COG2: variants seen among roughly 807,000 people sequenced by gnomAD.
The protein encoded by COG2 is conserved oligomeric Golgi complex subunit 2.
COG2 carries 52 observed loss-of-function variants against 90.6 expected under a neutral mutation model. The observed-to-expected ratio is 0.57, with a 90% CI of 0.46 to 0.72. The LOEUF (loss-of-function observed/expected upper bound fraction) is 0.72. Ranked by LOEUF, COG2 falls within the 30% of genes least tolerant of loss-of-function variation. The pLI, the probability that COG2 is intolerant of heterozygous loss-of-function variation, is 0.00. For missense variants in COG2, 829 were observed against 891.2 expected (o/e 0.93, Z 0.89); for synonymous variants, 337 against 320.4 (o/e 1.05, Z -0.55).
chr1:230,691,267 C>T (rs1167441478), intron 16 of COG2, 117 bp from the exon 17 acceptor site: 9 of 806,378 alleles, frequency 1.1e-5, no homozygotes, highest in African/African-American at 1.8e-5. Flanking sequence ...GTTGAATTTT[C>T]GTTGGAAGTG....
In COG2 at chr1:230,669,442, A is replaced by T. The variant is rs1195523143; in HGVS notation, c.681A>T (p.Ile227=). The T allele has an allele frequency of 1.2e-6, 2 of 1,614,080 alleles. No homozygotes were observed. The highest frequency in any genetic ancestry group is 3.3e-5 in the Admixed American group (2 of 60,010). ...EGLQTSDVDI[I]RHCLRTYATI... ...TTCAGACGTCTGACGTCGATATAAT[A>T]CGGCACTGCTTGCGGACTTACGCCA... The change falls in exon 7 of 18, where the codon ATA becomes ATT. Residue 227 remains isoleucine (I), a synonymous_variant. Transcript: ENST00000366669.
chr1:230,656,640 TTC>T (rs1231890659), intron 1 of COG2, among the ~76,000 whole-genome samples: 2 of 152,166 alleles, frequency 1.3e-5, no homozygotes, highest in African/African-American at 4.8e-5. Context: ...CTTGTTAATT[TTC>T]TGTCTTGTTG....
intron 17 of COG2, chr1:230,691,856 G>T: frequency 3.2e-6 from 1 of 309,758 alleles, no homozygotes; most frequent in Non-Finnish European, 6.0e-6. Flanking sequence ...GAGACTTTTT[G>T]GTCCAGTGCC....
chr1:230,680,391 T>TGCAGCATCACCCTGGGACCCAA (rs1387387456), intron 10 of COG2: 4,876 of 152,668 alleles, frequency 0.032, 100 homozygotes, highest in Non-Finnish European at 0.047. Context: ...CTGGGACCCA[T>TGCAGCATCACCCTGGGACCCAA]GCAGCATCAC....
intron 1 of COG2, among the ~76,000 whole-genome samples, chr1:230,659,184 G>A (rs1467105823): frequency 4.6e-5 from 7 of 152,132 alleles, no homozygotes; most frequent in Admixed American, 4.6e-4. Context: ...GTTTTGAGAA[G>A]AACCTGATTG....
At chr1:230,661,043 G>A (rs1232592723) in intron 3 of COG2, among the ~76,000 whole-genome samples, 4 of 152,160 alleles carry the variant, frequency 2.6e-5, no homozygotes, top group Admixed American at 6.6e-5. Flanking sequence ...GAATATGACA[G>A]ATTCTTAGAG....
chr1:230,642,840 G>A (rs1661659526), intron 1 of COG2, 162 bp downstream of exon 1: 3 of 652,240 alleles, frequency 4.6e-6, no homozygotes, highest in Non-Finnish European at 7.8e-6. Flanking sequence ...TTGGCGTCAG[G>A]TTTGGCGGGT....
At chr1:230,650,875 A>G (rs1035195241) in intron 1 of COG2, among the ~76,000 whole-genome samples, 1 of 152,122 alleles carries the variant, frequency 6.6e-6, no homozygotes, top group Admixed American at 6.5e-5. Flanking sequence ...ATTTTTATAT[A>G]TGGTGAGAAA....
intron 1 of COG2, among the ~76,000 whole-genome samples, chr1:230,650,383 A>G (rs1661883741): frequency 1.3e-5 from 2 of 152,108 alleles, no homozygotes; most frequent in South Asian, 4.1e-4. Context: ...TTGACTTTTT[A>G]ATAAAAGCTG....
At chr1:230,689,159 A>G (rs1022200804) in intron 15 of COG2, among the ~76,000 whole-genome samples, 3 of 151,966 alleles carry the variant, frequency 2.0e-5, no homozygotes, top group African/African-American at 7.3e-5. Context: ...CGTGACATCC[A>G]GTCTCCACAC....
intron 10 of COG2, chr1:230,682,989 G>T (rs369243784): frequency 6.6e-6 from 1 of 152,342 alleles, no homozygotes; most frequent in African/African-American, 2.4e-5. Context: ...AAAAAAGAAC[G>T]CACATCTAGG....
chr1:230,660,642 C>G, intron 2 of COG2, 116 bp from the exon 3 acceptor site: 1 of 544,554 alleles, frequency 1.8e-6, no homozygotes, highest in Non-Finnish European at 3.2e-6. Flanking sequence ...TATGGTTGTT[C>G]ATTTTGTTGT....
chr1:230,671,493 A>G, intron 7 of COG2, 23 bp from the exon 8 acceptor site: 1 of 1,591,028 alleles, frequency 6.3e-7, no homozygotes, highest in Non-Finnish European at 8.5e-7. Context: ...TGCTTTTTTA[A>G]AAAATGATTT....
In COG2 at chr1:230,691,493, A is replaced by C. The variant is rs966143182; in HGVS notation, c.2044A>C (p.Ser682Arg). 1 of 1,614,202 alleles carries C rather than the reference A, an allele frequency of 6.2e-7. No homozygotes were observed. The highest frequency in any genetic ancestry group is 8.5e-7 in the Non-Finnish European group (1 of 1,180,034). Residue 682 changes from serine to arginine, a missense_variant, in exon 17 of 18, where the codon AGT (serine) becomes CGT (arginine). Physicochemically the swap from Ser to Arg is moderately radical, Grantham distance 110. Coordinates refer to ENST00000366669, the MANE Select transcript of COG2 (RefSeq NM_007357.3). ...CACTCCCGCCAACCCCGTCGGTCCC[A>C]GTGGTGGCATGAGCGACGACGACAA... The part of the protein sequence containing the change: ...KTTPANPVGP[S>R]GGMSDDDKIR...
intron 1 of COG2, among the ~76,000 whole-genome samples, chr1:230,653,614 A>G (rs1245735008): frequency 6.6e-6 from 1 of 152,220 alleles, no homozygotes; most frequent in Non-Finnish European, 1.5e-5. Flanking sequence ...AGATTCTACT[A>G]AAACACTCCA....
chr1:230,645,903 G>A (rs533152651), intron 1 of COG2, among the ~76,000 whole-genome samples: 18 of 152,172 alleles, frequency 1.2e-4, no homozygotes, highest in East Asian at 3.9e-4. Context: ...GACAGGAGGC[G>A]GAGCTCCAAT....
At chr1:230,668,540 A>G (rs1010461169) in intron 5 of COG2, 136 bp from the exon 6 acceptor site, 1 of 574,212 alleles carries the variant, frequency 1.7e-6, no homozygotes, top group Non-Finnish European at 3.1e-6. Flanking sequence ...CCTTGTAACA[A>G]GGTGGCCACA....
At chr1:230,680,958 A>T (rs1328388913) in intron 10 of COG2, 1 of 152,158 alleles carries the variant, frequency 6.6e-6, no homozygotes, top group South Asian at 2.1e-4. Context: ...CTAAGAAGAA[A>T]TATTACTCTC....
At chr1:230,674,944 C>T (rs1194229505) in intron 8 of COG2, 54 bp from the exon 9 acceptor site, 4 of 1,420,724 alleles carry the variant, frequency 2.8e-6, no homozygotes, top group East Asian at 5.0e-5. Flanking sequence ...TGGAAATTTG[C>T]TCTTTGTAAG....
Sources: gnomAD v4.1 joint callset for allele counts (sites outside exome capture counted in the v4.1 genomes callset) on GRCh38, gnomAD v4.1.1 for gene constraint, MANE v1.5 for transcripts, NCBI Gene and HGNC (gene_info 2026-07-23, HGNC 2026-07-21) for gene names.